FAAH2: variants seen among roughly 807,000 people sequenced by gnomAD.
FAAH2 encodes fatty acid amide hydrolase 2.
In FAAH2, 60 loss-of-function variants were observed where a neutral mutation model predicts 36.9. That is an observed-to-expected ratio of 1.63 (90% CI 1.32 to 2.02). The LOEUF is 2.02. Among genes scored for constraint, FAAH2 ranks in the 30% most tolerant of loss-of-function variants. The pLI, the probability that FAAH2 is intolerant of heterozygous loss-of-function variation, is 0.00. For synonymous variants in FAAH2, 214 were observed against 143.8 expected, an observed-to-expected ratio of 1.49 and a Z score of -3.49; for missense variants, 689 against 397.5, an observed-to-expected ratio of 1.73 and a Z score of -6.23.
At chrX:57,405,516 C>T (rs1411030645) in intron 7 of FAAH2, among the ~76,000 whole-genome samples, 1 of 108,334 alleles carries the variant, frequency 9.2e-6, no homozygotes, top group African/African-American at 3.4e-5. Flanking sequence ...TGGCAGACAC[C>T]CTGCCAGATC....
At chrX:57,465,136 T>C (rs1046532697) in intron 10 of FAAH2, among the ~76,000 whole-genome samples, 1 of 111,758 alleles carries the variant, frequency 8.9e-6, no homozygotes. Context: ...CATTATGTTT[T>C]AAATGGAAGA....
At chrX:57,195,971 A>T in the FAAH2 span, among the ~76,000 whole-genome samples, 2 of 111,948 alleles carry the variant, frequency 1.8e-5, no homozygotes, top group African/African-American at 6.5e-5. Flanking sequence ...GCCTATTTTT[A>T]TACCAGCGCC....
At chrX:57,339,187 G>C (rs6521609) in intron 4 of FAAH2, among the ~76,000 whole-genome samples, 1 of 110,994 alleles carries the variant, frequency 9.0e-6, no homozygotes, top group Non-Finnish European at 1.9e-5. Context: ...TTAATAATTC[G>C]TGCTGGGAGA....
chrX:57,203,104 T>G, the FAAH2 span, among the ~76,000 whole-genome samples: 2 of 111,889 alleles, frequency 1.8e-5, no homozygotes, highest in African/African-American at 6.5e-5. Context: ...GGGTGTGGGG[T>G]AGGAAATCAG....
intron 3 of FAAH2, among the ~76,000 whole-genome samples, chrX:57,312,895 G>A (rs1409659519): frequency 9.0e-6 from 1 of 111,588 alleles, no homozygotes; most frequent in Non-Finnish European, 1.9e-5. Context: ...AGTCTGAAAT[G>A]ACTGAGATGA....
At chrX:57,271,391 C>G in the FAAH2 span, among the ~76,000 whole-genome samples, 25 of 112,180 alleles carry the variant, frequency 2.2e-4, no homozygotes, top group African/African-American at 8.1e-4. Context: ...CAGTGGACCT[C>G]CCAGCACAGT....
the FAAH2 span, among the ~76,000 whole-genome samples, chrX:57,231,034 A>AGTGTGT: frequency 0.019 from 1,832 of 94,420 alleles, 20 homozygotes; most frequent in Middle Eastern, 0.038. Flanking sequence ...CTCCAAAGGA[A>AGTGTGT]GTGTGTGTGT....
intron 10 of FAAH2, among the ~76,000 whole-genome samples, chrX:57,462,084 C>G (rs1431926605): frequency 9.8e-6 from 1 of 102,054 alleles, no homozygotes; most frequent in African/African-American, 3.5e-5. Flanking sequence ...ATACACCCTC[C>G]CAAGGCTAAA....
intron 7 of FAAH2, chrX:57,392,959 C>T: frequency 4.3e-6 from 4 of 920,452 alleles, no homozygotes; most frequent in Non-Finnish European, 6.3e-6. Flanking sequence ...ATCTTCTGTG[C>T]AATGATCCTG....
chrX:57,170,248 C>CT, the FAAH2 span, among the ~76,000 whole-genome samples: 1 of 111,666 alleles, frequency 9.0e-6, no homozygotes, highest in Non-Finnish European at 1.9e-5. Context: ...TTGTTACTGG[C>CT]TTTTTTGCTT....
At chrX:57,258,821 G>C in the FAAH2 span, among the ~76,000 whole-genome samples, 1 of 105,314 alleles carries the variant, frequency 9.5e-6, no homozygotes, top group South Asian at 4.3e-4. Context: ...CCATTCTCCT[G>C]CCTCAGCCTC....
intron 8 of FAAH2, among the ~76,000 whole-genome samples, chrX:57,440,651 G>C (rs1407044942): frequency 8.9e-6 from 1 of 111,771 alleles, no homozygotes; most frequent in Non-Finnish European, 1.9e-5. Context: ...GAATAAGAGT[G>C]GTGAGAGAGG....
chrX:57,399,181 G>T (rs895409267), intron 7 of FAAH2, among the ~76,000 whole-genome samples: 1 of 111,595 alleles, frequency 9.0e-6, no homozygotes, highest in Non-Finnish European at 1.9e-5. Flanking sequence ...TACAGGGATT[G>T]AAATGTGTGT....
chrX:57,181,958 A>T, the FAAH2 span, among the ~76,000 whole-genome samples: 1 of 111,942 alleles, frequency 8.9e-6, no homozygotes, highest in African/African-American at 3.2e-5. Flanking sequence ...GGCAAAGCTA[A>T]CAAAAACAAG....
chrX:57,247,494 C>T, the FAAH2 span, among the ~76,000 whole-genome samples: 1 of 111,221 alleles, frequency 9.0e-6, no homozygotes, highest in Non-Finnish European at 1.9e-5. Context: ...ATCCCTCTCT[C>T]TCTCTCTCTT....
chrX:57,210,507 C>CTT, the FAAH2 span, among the ~76,000 whole-genome samples: 1 of 111,642 alleles, frequency 9.0e-6, no homozygotes, highest in Non-Finnish European at 1.9e-5. Flanking sequence ...AAAAAGAAGC[C>CTT]AAGCATCATA....
the FAAH2 span, among the ~76,000 whole-genome samples, chrX:57,153,501 T>C: frequency 8.9e-6 from 1 of 112,144 alleles, no homozygotes; most frequent in Non-Finnish European, 1.9e-5. Flanking sequence ...TTGATGTGTT[T>C]CCAGGATTGT....
chrX:57,453,687 C>T (rs547090118), intron 10 of FAAH2, among the ~76,000 whole-genome samples: 4 of 112,283 alleles, frequency 3.6e-5, no homozygotes, highest in Middle Eastern at 4.6e-3. Flanking sequence ...CCCAGCATTC[C>T]CACATCTGCC....
At chrX:57,470,645 C>G (rs1397151926) in intron 10 of FAAH2, among the ~76,000 whole-genome samples, 3 of 111,223 alleles carry the variant, frequency 2.7e-5, no homozygotes, top group Admixed American at 9.6e-5. Context: ...CAGATGGACT[C>G]GCAGCCAAAT....
Sources: allele counts gnomAD v4.1 joint callset (sites outside exome capture counted in the v4.1 genomes callset), GRCh38; gene constraint gnomAD v4.1.1; transcripts MANE v1.5; gene names NCBI Gene and HGNC (gene_info 2026-07-23, HGNC 2026-07-21).